The following ZNF250 variants were observed in gnomAD, a reference collection of about 807,000 sequenced individuals.
The protein encoded by ZNF250 is zinc finger protein (clone 647).
Under a neutral mutation model 37.1 loss-of-function variants are expected in ZNF250, and 13 were observed. That is an observed-to-expected ratio of 0.35 (90% CI 0.23 to 0.56). The LOEUF (loss-of-function observed/expected upper bound fraction) is 0.56. ZNF250 is among the 20% of genes least tolerant of loss of function. The pLI is 0.87. For synonymous variants in ZNF250, 251 were observed against 265.6 expected, an observed-to-expected ratio of 0.94 and a Z score of 0.54; for missense variants, 474 against 697.9, an observed-to-expected ratio of 0.68 and a Z score of 3.61.
At chr8:144,883,471 CT>C (rs888473241) in intron 5 of ZNF250, among the ~76,000 whole-genome samples, 1 of 151,774 alleles carries the variant, frequency 6.6e-6, no homozygotes. Flanking sequence ...TCCTGAGTAA[CT>C]GGGATTACAG....
rs1336581199 is a variant in ZNF250 at position 144,880,322 on chromosome 8, AT to A, written c.*1192del. The A allele has an allele frequency of 2.5e-6, 1 of 403,444 alleles. No homozygotes were observed. Among genetic ancestry groups the A allele is most frequent in the African/African-American group, 2.1e-5 (1 of 48,704 alleles). The allele number at this position is 403,444 out of a possible 1,614,324, so 25.0% of individuals were successfully genotyped here. On this transcript the variant is annotated 3_prime_UTR_variant, in exon 6 of 6. Coordinates refer to ENST00000417550, the MANE Select transcript of ZNF250 (RefSeq NM_001109689.4). ...TCTACCAAAGAACAGTATTTTCAGC[AT>A]TGTTTTGGGGGAAATACCATAAGAT... is the stretch of plus-strand genomic sequence containing the variant.
intron 1 of ZNF250, among the ~76,000 whole-genome samples, chr8:144,894,067 C>T (rs1832540490): frequency 6.6e-6 from 1 of 152,092 alleles, no homozygotes; most frequent in African/African-American, 2.4e-5. Flanking sequence ...TGTCTCATAG[C>T]ATCTCAGACA....
intron 5 of ZNF250, among the ~76,000 whole-genome samples, chr8:144,885,381 A>G (rs139993096): frequency 0.023 from 3,550 of 152,292 alleles, 74 homozygotes; most frequent in Admixed American, 0.076. Flanking sequence ...TCGGCCTCCC[A>G]AAGTGCTGAG....
At chr8:144,883,367 C>T (rs944230890) in intron 5 of ZNF250, among the ~76,000 whole-genome samples, 5 of 149,194 alleles carry the variant, frequency 3.4e-5, no homozygotes, top group Admixed American at 2.0e-4. Context: ...TGAGAAGGAG[C>T]CTTGCTCTGT....
chr8:144,881,435 A>T lies in ZNF250; in HGVS notation c.*80T>A. The T allele has an allele frequency of 6.7e-7, 1 of 1,487,456 alleles. No individual in the cohort carries two copies. Among genetic ancestry groups the T allele is most frequent in the East Asian group, 2.3e-5 (1 of 43,090 alleles). 92.1% of individuals were successfully genotyped at this position (1,487,456 alleles called of 1,614,324 possible). On this transcript the variant is annotated 3_prime_UTR_variant, in exon 6 of 6. Coordinates refer to ENST00000417550, the MANE Select transcript of ZNF250 (RefSeq NM_001109689.4). ...AAGAAAAGCTTCCTATAGAGTTAAC[A>T]GAGACTTCTCTTGGGCTGAAGGCTG...
Position 144,889,890 on chromosome 8 carries a change from C to A in ZNF250, c.169+43G>T, listed in dbSNP as rs746286164. On this transcript the variant is annotated intron_variant, in intron 3 of 5. Coordinates refer to ENST00000417550, the MANE Select transcript of ZNF250 (RefSeq NM_001109689.4). Reference sequence around the variant, plus strand: ...TACCCTGAGAAGCCCCCACCCCAGTCCAATACGCAGATACATAGACGAGGC... The same window carrying A: ...TACCCTGAGAAGCCCCCACCCCAGTACAATACGCAGATACATAGACGAGGC... The A allele has an allele frequency of 2.7e-5, 42 of 1,561,604 alleles. 1 individual carries two copies. The South Asian group carries it at 4.9e-4, about 18-fold the overall frequency.
Position 144,901,167 on chromosome 8 carries a change from G to T in ZNF250, c.-55+232C>A, listed in dbSNP as rs1426481982. Among the ~76,000 whole-genome samples the T allele has an allele frequency of 1.3e-5, 2 of 152,146 alleles. No homozygotes were observed. The highest frequency in any genetic ancestry group is 2.9e-5 in the Non-Finnish European group (2 of 68,014). ...ACGGGGGTGCGGGAGGGCCTGAGGG[G>T]GTCCAAGGCCGGGCGAGGGGAAGGG... On this transcript the variant is annotated intron_variant, in intron 1 of 5. Transcript: ENST00000417550. This position sits in a 1 kb window ranked among gnomAD's most constrained non-coding sequence, Gnocchi z 5.4.
Position 144,881,504 on chromosome 8 carries a change from T to G in ZNF250, c.*11A>C, listed in dbSNP as rs1831463647. 6.4e-7 allele frequency: 1 copy of G among 1,562,634 alleles called. No individual in the cohort carries two copies. Among genetic ancestry groups the G allele is most frequent in the Admixed American group, 1.8e-5 (1 of 54,588 alleles). On this transcript the variant is annotated 3_prime_UTR_variant, in exon 6 of 6. Transcript: ENST00000417550. ...GTTTCTGTGAGAATGGATTCTTGTG[T>G]CAGCCATGGGTCACAACTTTCTGTG...
intron 1 of ZNF250, among the ~76,000 whole-genome samples, chr8:144,894,134 T>C (rs1180080990): frequency 6.6e-6 from 1 of 152,124 alleles, no homozygotes; most frequent in African/African-American, 2.4e-5. Context: ...CAGCTTGGTC[T>C]GTGAGCCTGT....
chr8:144,887,252 C>CAAAAAAAAAAAAAAAAAA (rs56677445), intron 4 of ZNF250, among the ~76,000 whole-genome samples: 13 of 63,080 alleles, frequency 2.1e-4, no homozygotes, highest in African/African-American at 7.6e-4. Context: ...CTCCGTCTCT[C>CAAAAAAAAAAAAAAAAAA]AAAAAAAAAA....
Position 144,879,227 on chromosome 8 carries a change from G to C in ZNF250, c.*2288C>G, listed in dbSNP as rs1831302304. 6.6e-6 allele frequency: 1 copy of C among 152,218 alleles called. No homozygotes were observed. Among genetic ancestry groups the C allele is most frequent in the Admixed American group, 6.5e-5 (1 of 15,286 alleles). 9.4% of individuals were successfully genotyped at this position (152,218 alleles called of 1,614,324 possible). ...ACACCTCAGTAATATTAGTTCCTCT[G>C]GAATTTCACTTCAGTGGTTTCAGTT... On this transcript the variant is annotated 3_prime_UTR_variant, in exon 6 of 6. Transcript: ENST00000417550.
chr8:144,885,182 C>T lies in ZNF250; in HGVS notation c.346+1658G>A, dbSNP rs187203147. 4.6e-3 allele frequency among the ~76,000 whole-genome samples: 693 copies of T among 151,348 alleles called. 4 individuals are homozygous for T. Among genetic ancestry groups the T allele is most frequent in the Non-Finnish European group, 7.3e-3 (494 of 67,788 alleles). ...TTGCCCAGGCTGGAGTGCAATGGCA[C>T]GATCTCAGCTCACCGCAACCTCTGC... is the stretch of plus-strand genomic sequence containing the variant. On this transcript the variant is annotated intron_variant, in intron 5 of 5. Transcript: ENST00000417550.
intron 5 of ZNF250, among the ~76,000 whole-genome samples, chr8:144,885,040 T>C (rs187138934): frequency 1.3e-5 from 2 of 152,222 alleles, no homozygotes; most frequent in African/African-American, 2.4e-5. Context: ...TCAGAGGAAT[T>C]TATTAAGTGT....
chr8:144,890,238 C>T lies in ZNF250; in HGVS notation c.42+70G>A, dbSNP rs747119936. 4 of 1,517,064 alleles carry T rather than the reference C, an allele frequency of 2.6e-6. No homozygotes were observed. Among genetic ancestry groups the T allele is most frequent in the Admixed American group, 3.8e-5 (2 of 52,214 alleles). The allele number at this position is 1,517,064 out of a possible 1,614,324, so 94.0% of individuals were successfully genotyped here. ...GTGACGCTCTGGCTGCTCTTAGGAG[C>T]TCTACGGGGCACGGAAGGAACCACA... On this transcript the variant is annotated intron_variant, in intron 2 of 5. Transcript: ENST00000417550. This position sits in a 1 kb window ranked among gnomAD's most constrained non-coding sequence, Gnocchi z 5.1.
Position 144,882,430 on chromosome 8 carries a change from C to G in ZNF250, c.753G>C (p.Glu251Asp), listed in dbSNP as rs371435155. The change falls in exon 6 of 6, where the codon GAG becomes GAC. Residue 251 changes from glutamate (E) to aspartate (D), a missense_variant. By Grantham distance (45) the Glu-to-Asp change is conservative. Transcript: ENST00000417550. The surrounding 1 kb of genome is among the most constrained non-coding windows in gnomAD (Gnocchi z 5.5). Reference protein sequence around the residue: ...RRIHTGEKPYECNECGKAFRV... With the variant: ...RRIHTGEKPYDCNECGKAFRV... ...TAAAGGCTTTTCCACACTCATTACA[C>G]TCATAGGGCTTCTCACCTGTGTGAA... is the stretch of plus-strand genomic sequence containing the variant. 1 of 1,614,154 alleles carries G rather than the reference C, an allele frequency of 6.2e-7. No individual in the cohort carries two copies. The highest frequency in any genetic ancestry group is 1.7e-5 in the Admixed American group (1 of 60,018).
intron 1 of ZNF250, among the ~76,000 whole-genome samples, chr8:144,895,781 G>A (rs1295861624): frequency 1.3e-5 from 2 of 151,828 alleles, no homozygotes; most frequent in African/African-American, 2.4e-5. Context: ...AGGCCGAGGC[G>A]GGCGGATCAA....
At chr8:144,885,977 G>A (rs1471686437) in intron 5 of ZNF250, among the ~76,000 whole-genome samples, 1 of 151,428 alleles carries the variant, frequency 6.6e-6, no homozygotes, top group East Asian at 1.9e-4. Context: ...TACACCTGTG[G>A]TTATAGCTAC....
rs1831543538 is a variant in ZNF250 at position 144,882,328 on chromosome 8, T to C, written c.855A>G (p.Lys285=). 2 of 1,613,860 alleles carry C rather than the reference T, an allele frequency of 1.2e-6. No individual in the cohort carries two copies. Among genetic ancestry groups the C allele is most frequent in the East Asian group, 2.2e-5 (1 of 44,872 alleles). The change falls in exon 6 of 6, where the codon AAA becomes AAG. Residue 285 remains lysine (K), a synonymous_variant. Coordinates refer to ENST00000417550, the MANE Select transcript of ZNF250 (RefSeq NM_001109689.4). The surrounding 1 kb of genome is among the most constrained non-coding windows in gnomAD (Gnocchi z 5.5). ...EKPHECLECR[K]AFTQLSHLIQ... The stretch of plus-strand genomic sequence containing the variant: ...TGAGATGTGAGAGTTGAGTGAAGGC[T>C]TTCCGACACTCAAGACATTCGTGAG...
Position 144,890,358 on chromosome 8 carries a change from C to G in ZNF250, c.-9G>C. On this transcript the variant is annotated 5_prime_UTR_variant, in exon 2 of 6. Transcript: ENST00000417550. This position sits in a 1 kb window ranked among gnomAD's most constrained non-coding sequence, Gnocchi z 5.1. Reference sequence around the variant, plus strand: ...AGTCTGGCTGCTGCCATCACCTGGTCTCCTGGGGACTCCGAGGATCACGGA... The same window carrying G: ...AGTCTGGCTGCTGCCATCACCTGGTGTCCTGGGGACTCCGAGGATCACGGA... The G allele has an allele frequency of 1.3e-6, 2 of 1,487,988 alleles. No individual in the cohort carries two copies. The highest frequency in any genetic ancestry group is 1.8e-6 in the Non-Finnish European group (2 of 1,117,892). 92.2% of individuals were successfully genotyped at this position (1,487,988 alleles called of 1,614,324 possible).
Sources: allele counts gnomAD v4.1 joint callset (sites outside exome capture counted in the v4.1 genomes callset), GRCh38; gene constraint gnomAD v4.1.1; non-coding constraint Gnocchi (gnomAD v3.1); transcripts MANE v1.5; gene names NCBI Gene and HGNC (gene_info 2026-07-23, HGNC 2026-07-21).